The following DNAH8 variants were observed in gnomAD, a reference collection of about 807,000 sequenced individuals.
DNAH8 encodes dynein axonemal heavy chain 8.
A neutral mutation model predicts 562.1 loss-of-function variants in DNAH8; 382 were observed. The ratio of observed to expected loss-of-function variants is 0.68; its 90% CI spans 0.63 to 0.74. The LOEUF (loss-of-function observed/expected upper bound fraction) is 0.74. Ranked by LOEUF, DNAH8 falls within the 30% of genes least tolerant of loss-of-function variation. DNAH8 has a pLI of 0.00. For synonymous variants in DNAH8, 1,881 were observed against 1,919.4 expected (o/e 0.98, Z 0.52); for missense variants, 5,203 against 5,620.4 (o/e 0.93, Z 2.37).
chr6:38,726,217 C>G (rs1254198468), intron 3 of DNAH8, among the ~76,000 whole-genome samples: 1 of 152,196 alleles, frequency 6.6e-6, no homozygotes, highest in African/African-American at 2.4e-5. Flanking sequence ...ACTGGAATCC[C>G]TAGACCTTCT....
chr6:38,773,804 G>A (rs1462289500), intron 12 of DNAH8, among the ~76,000 whole-genome samples: 1 of 152,162 alleles, frequency 6.6e-6, no homozygotes, highest in Non-Finnish European at 1.5e-5. Flanking sequence ...AGGGGCAACT[G>A]TTTGACTACC....
intron 1 of DNAH8, among the ~76,000 whole-genome samples, chr6:38,722,307 A>T (rs1762817123): frequency 6.6e-6 from 1 of 152,224 alleles, no homozygotes; most frequent in Non-Finnish European, 1.5e-5. Flanking sequence ...GTATTGCATT[A>T]CATAGTTCCT....
At position 38,828,135 on chromosome 6, in the gene DNAH8, G is replaced by A. The variant is rs1016668319; in HGVS notation, c.4084-49G>A. The stretch of plus-strand genomic sequence containing the variant: ...TTCTAGAAGGCGTCTAAATCATTTG[G>A]CAATGGCTTTCCCTTGTGATATTTC... On this transcript the variant is annotated intron_variant, in intron 29 of 92. Transcript: ENST00000327475. 5.9e-6 allele frequency: 7 copies of A among 1,177,572 alleles called. No individual in the cohort carries two copies. The African/African-American group carries it at 9.3e-5, about 16-fold the overall frequency. The allele number at this position is 1,177,572 out of a possible 1,614,324, so 72.9% of individuals were successfully genotyped here.
In DNAH8 at chr6:38,772,627, C is replaced by T. The variant is rs150931053; in HGVS notation, c.1764+2068C>T. ...TTCCTTATCAGATATATGATTTACA[C>T]GTATTTTCTCTTATTTTTGGGTTAT... On this transcript the variant is annotated intron_variant, in intron 12 of 92. Coordinates refer to ENST00000327475, the MANE Select transcript of DNAH8 (RefSeq NM_001206927.2). 3.0e-4 allele frequency among the ~76,000 whole-genome samples: 45 copies of T among 152,076 alleles called. No individual in the cohort carries two copies. The East Asian group carries it at 4.8e-3, about 16-fold the overall frequency.
chr6:38,859,235 C>CGGGAT (rs1776424720), intron 42 of DNAH8, among the ~76,000 whole-genome samples: 1 of 152,196 alleles, frequency 6.6e-6, no homozygotes, highest in Non-Finnish European at 1.5e-5. Context: ...TGGCTGAGAG[C>CGGGAT]ATCCCCATGG....
At position 38,931,903 on chromosome 6, in the gene DNAH8, T is replaced by G. The variant is rs145133976; in HGVS notation, c.11367T>G (p.Ile3789Met). 1.2e-5 allele frequency: 19 copies of G among 1,612,098 alleles called. No individual in the cohort carries two copies. Among genetic ancestry groups the G allele is most frequent in the Non-Finnish European group, 1.3e-5 (15 of 1,179,174 alleles). ...CAAATCCTGCCTTTACCCCAGAGATTAATGCTAAAACGTCAGTCATTGATT... is the reference window on the plus strand; with the variant it reads ...CAAATCCTGCCTTTACCCCAGAGATGAATGCTAAAACGTCAGTCATTGATT... ...KLPNPAFTPE[I>M]NAKTSVIDFT... The change falls in exon 76 of 93, where the codon ATT becomes ATG. Residue 3789 changes from isoleucine to methionine, a missense_variant. Physicochemically the swap from Ile to Met is conservative, Grantham distance 10. Coordinates refer to ENST00000327475, the MANE Select transcript of DNAH8 (RefSeq NM_001206927.2).
chr6:38,778,811 C>G (rs762236411), intron 14 of DNAH8, among the ~76,000 whole-genome samples: 2 of 152,168 alleles, frequency 1.3e-5, no homozygotes, highest in African/African-American at 2.4e-5. Context: ...GAAAGAATTT[C>G]TGAAAGTGAG....
intron 91 of DNAH8, among the ~76,000 whole-genome samples, chr6:39,021,924 A>T (rs540887478): frequency 6.6e-6 from 1 of 152,232 alleles, no homozygotes. Context: ...GTATGAAATG[A>T]TATTTAAAGC....
In DNAH8 at chr6:38,747,676, C is replaced by T. The variant is rs185603317; in HGVS notation, c.1294-2800C>T. Among the ~76,000 whole-genome samples, 433 of 152,236 alleles carry T rather than the reference C, an allele frequency of 2.8e-3. 3 individuals carry two copies. Among genetic ancestry groups the T allele is most frequent in the Admixed American group, 0.012 (183 of 15,274 alleles). On this transcript the variant is annotated intron_variant, in intron 8 of 92. Coordinates refer to ENST00000327475, the MANE Select transcript of DNAH8 (RefSeq NM_001206927.2). ...CTGGGATTACTGGCGTGAGCCACCG[C>T]GCTCAGCCACTGTTTGTCATTTTCT... is the stretch of plus-strand genomic sequence containing the variant.
intron 82 of DNAH8, among the ~76,000 whole-genome samples, chr6:38,969,052 A>G (rs1561925878): frequency 6.6e-6 from 1 of 152,168 alleles, no homozygotes; most frequent in Non-Finnish European, 1.5e-5. Flanking sequence ...GCATAATTCC[A>G]TTTAATGAAA....
At chr6:38,956,164 G>A (rs1762228267) in intron 82 of DNAH8, among the ~76,000 whole-genome samples, 1 of 152,210 alleles carries the variant, frequency 6.6e-6, no homozygotes, top group Non-Finnish European at 1.5e-5. Context: ...CCCAGAAGGA[G>A]GCTTGCTCAT....
intron 82 of DNAH8, among the ~76,000 whole-genome samples, chr6:38,961,106 T>C (rs149238514): frequency 2.6e-5 from 4 of 152,128 alleles, no homozygotes; most frequent in African/African-American, 9.6e-5. Context: ...TACCACATGA[T>C]CTCACTCTTG....
chr6:38,754,198 T>C (rs951239659), intron 9 of DNAH8, among the ~76,000 whole-genome samples: 7 of 152,128 alleles, frequency 4.6e-5, no homozygotes, highest in Admixed American at 2.0e-4. Context: ...AACAGTGCAC[T>C]CAAGGAGCTA....
chr6:38,903,466 G>C (rs1001278541), intron 62 of DNAH8, among the ~76,000 whole-genome samples: 2 of 151,896 alleles, frequency 1.3e-5, no homozygotes, highest in Admixed American at 1.3e-4. Context: ...ATTCATGAGG[G>C]ATCTGCCTCC....
rs117238366 is a variant in DNAH8, at chr6:38,937,226, G to T, written c.11564-748G>T. Reference sequence around the variant, plus strand: ...TCGGTGGGTAGGGGTCTGGGGGGAGGGATAGCGTTAGGAGAAATACCTAAT... The same window carrying T: ...TCGGTGGGTAGGGGTCTGGGGGGAGTGATAGCGTTAGGAGAAATACCTAAT... On this transcript the variant is annotated intron_variant, in intron 77 of 92. Transcript: ENST00000327475. Among the ~76,000 whole-genome samples the T allele has an allele frequency of 2.4e-3, 365 of 151,964 alleles. 6 individuals are homozygous for T. In the East Asian group the frequency reaches 0.042, roughly 18 times the overall value.
chr6:38,876,620 G>A (rs929301929), intron 53 of DNAH8, among the ~76,000 whole-genome samples: 1 of 152,132 alleles, frequency 6.6e-6, no homozygotes, highest in African/African-American at 2.4e-5. Flanking sequence ...CACGTCACAG[G>A]ACATTCAAAG....
intron 26 of DNAH8, chr6:38,822,301 C>T (rs1772932130): frequency 6.5e-6 from 1 of 152,678 alleles, no homozygotes; most frequent in South Asian, 2.1e-4. Flanking sequence ...AAGAAAACTA[C>T]ACAAATACTG....
chr6:38,736,567 A>G (rs1208776587), intron 5 of DNAH8, among the ~76,000 whole-genome samples: 1 of 152,124 alleles, frequency 6.6e-6, no homozygotes, highest in Non-Finnish European at 1.5e-5. Context: ...TTTTAATCTT[A>G]ATTTTCTGGC....
At chr6:38,744,628 C>T (rs1271516766) in intron 8 of DNAH8, among the ~76,000 whole-genome samples, 5 of 152,002 alleles carry the variant, frequency 3.3e-5, no homozygotes, top group African/African-American at 1.2e-4. Flanking sequence ...GGCTTCTCTT[C>T]GTCACTTAGG....
Sources: allele counts gnomAD v4.1 joint callset (sites outside exome capture counted in the v4.1 genomes callset), GRCh38; gene constraint gnomAD v4.1.1; transcripts MANE v1.5; gene names NCBI Gene and HGNC (gene_info 2026-07-23, HGNC 2026-07-21).